DCAF17: variants seen among roughly 807,000 people sequenced by gnomAD.
DCAF17 encodes the protein DDB1- and CUL4-associated factor 17.
A neutral mutation model predicts 66.0 loss-of-function variants in DCAF17; 48 were observed. The observed-to-expected ratio is 0.73, with a 90% CI of 0.58 to 0.92. DCAF17 has a LOEUF of 0.92. Ranked by LOEUF, DCAF17 falls within the 40% of genes least tolerant of loss-of-function variation. The pLI is 0.00. For missense variants in DCAF17, 562 were observed against 622.8 expected (o/e 0.90, Z 1.04); for synonymous variants, 206 against 214.6 (o/e 0.96, Z 0.35).
intron 1 of DCAF17, 126 bp from the exon 2 acceptor site, chr2:171,434,957 C>T: frequency 4.0e-6 from 4 of 991,490 alleles, no homozygotes; most frequent in Non-Finnish European, 6.0e-6. Flanking sequence ...AACATGAGGG[C>T]AGAGTGGAGG....
intron 1 of DCAF17, 102 bp downstream of exon 1, chr2:171,434,805 G>A: frequency 2.2e-6 from 3 of 1,386,664 alleles, no homozygotes; most frequent in Non-Finnish European, 2.8e-6. Context: ...TCCCTTTATA[G>A]GGTCACATGT....
chr2:171,478,774 G>A (rs1472119268), intron 12 of DCAF17, among the ~76,000 whole-genome samples: 1 of 152,090 alleles, frequency 6.6e-6, no homozygotes, highest in East Asian at 1.9e-4. Flanking sequence ...GTTAGAGGTG[G>A]CCCAGTATGT....
Position 171,484,422 on chromosome 2 carries a change from C to T in DCAF17, c.*3308C>T, listed in dbSNP as rs1174792768. On this transcript the variant is annotated 3_prime_UTR_variant, in exon 14 of 14. Transcript: ENST00000375255. The stretch of plus-strand genomic sequence containing the variant: ...AATTGAAAGAATTTTATAGTAAATA[C>T]TGACCACGGGGATTCTACATCTTAC... The T allele has an allele frequency of 2.5e-6, 1 of 402,680 alleles. No homozygotes were observed. Among genetic ancestry groups the T allele is most frequent in the African/African-American group, 2.1e-5 (1 of 47,356 alleles). 24.9% of individuals were successfully genotyped at this position (402,680 alleles called of 1,614,324 possible).
chr2:171,479,960 A>G, intron 12 of DCAF17, 78 bp from the exon 13 acceptor site: 1 of 1,506,462 alleles, frequency 6.6e-7, no homozygotes, highest in Non-Finnish European at 9.1e-7. Context: ...GAATACTTAA[A>G]CTATAAATAC....
rs900728420 is a variant in DCAF17, at chr2:171,434,527, G to A, written c.-51G>A. ...CGGCGGCTGCCCAGCACGGGAGTGTGGGGCGCGCCACTCGGCGGCCCAGCC... is the reference window on the plus strand; with the variant it reads ...CGGCGGCTGCCCAGCACGGGAGTGTAGGGCGCGCCACTCGGCGGCCCAGCC... On this transcript the variant is annotated 5_prime_UTR_variant, in exon 1 of 14. Transcript: ENST00000375255. The A allele has an allele frequency of 1.8e-5, 28 of 1,522,934 alleles. No individual in the cohort carries two copies. Among genetic ancestry groups the A allele is most frequent in the Non-Finnish European group, 2.4e-5 (27 of 1,139,958 alleles). The allele number at this position is 1,522,934 out of a possible 1,614,324, so 94.3% of individuals were successfully genotyped here.
intron 6 of DCAF17, among the ~76,000 whole-genome samples, chr2:171,454,217 G>C (rs1187659872): frequency 6.6e-6 from 1 of 151,632 alleles, no homozygotes; most frequent in Non-Finnish European, 1.5e-5. Flanking sequence ...AATCCTAAAG[G>C]TGGCAAGTAG....
rs1042844114 is a variant in DCAF17, at chr2:171,481,229, G to C, written c.*115G>C. 7.6e-6 allele frequency: 10 copies of C among 1,319,836 alleles called. No homozygotes were observed. The highest frequency in any genetic ancestry group is 4.7e-5 in the East Asian group (2 of 42,588). 81.8% of individuals were successfully genotyped at this position (1,319,836 alleles called of 1,614,324 possible). A position where few individuals can be genotyped will look rare whatever the true frequency, so the allele number is the denominator to read the frequency against. ...CTCCAGTATTTTCCAAAAAAGTCTT[G>C]TGTTGACTTCAGATGACTATGACTT... On this transcript the variant is annotated 3_prime_UTR_variant, in exon 14 of 14. Transcript: ENST00000375255.
rs375752562 is a variant in DCAF17, at chr2:171,465,846, C to G, written c.839-3042C>G. On this transcript the variant is annotated intron_variant, in intron 8 of 13. Coordinates refer to ENST00000375255, the MANE Select transcript of DCAF17 (RefSeq NM_025000.4). ...TATTATTTCCTTTAATCCTGTTACT[C>G]TCATCAGTAACCATTGTTTTTAGAT... Among the ~76,000 whole-genome samples the G allele has an allele frequency of 1.1e-4, 16 of 152,180 alleles. No individual in the cohort carries two copies. The South Asian group carries it at 3.3e-3, about 32-fold the overall frequency.
chr2:171,472,853 C>G (rs561860473), intron 9 of DCAF17: 1 of 294,966 alleles, frequency 3.4e-6, no homozygotes, highest in South Asian at 3.3e-5. Context: ...AATATGGCAT[C>G]ATTTCATTTT....
At chr2:171,451,703 G>T (rs1694963363) in intron 5 of DCAF17, among the ~76,000 whole-genome samples, 1 of 152,100 alleles carries the variant, frequency 6.6e-6, no homozygotes, top group African/African-American at 2.4e-5. Context: ...AGCCTCCTGA[G>T]TAGCTGGGAC....
rs1237913367 is a variant in DCAF17, at chr2:171,484,903, T to C, written c.*3789T>C. ...TGAGATTTATTCATGTTGTTGCATG[T>C]GTCAGTGATTCATTTCTTTTTATTG... On this transcript the variant is annotated 3_prime_UTR_variant, in exon 14 of 14. Transcript: ENST00000375255. The C allele has an allele frequency of 4.4e-6, 2 of 453,854 alleles. No homozygotes were observed. Among genetic ancestry groups the C allele is most frequent in the South Asian group, 1.6e-5 (1 of 64,424 alleles). The allele number at this position is 453,854 out of a possible 1,614,324, so 28.1% of individuals were successfully genotyped here. A position where few individuals can be genotyped will look rare whatever the true frequency, so the allele number is the denominator to read the frequency against.
At chr2:171,476,726 T>G (rs1696513626) in intron 10 of DCAF17, 134 bp from the exon 11 acceptor site, 1 of 671,568 alleles carries the variant, frequency 1.5e-6, no homozygotes, top group Non-Finnish European at 2.7e-6. Context: ...TTATTAGTAT[T>G]GTAGACTAAT....
At chr2:171,474,064 C>A in intron 10 of DCAF17, 89 bp downstream of exon 10, 2 of 1,035,060 alleles carry the variant, frequency 1.9e-6, no homozygotes, top group Non-Finnish European at 3.0e-6. Context: ...ACTAGTGAGC[C>A]AATTAATGGA....
Position 171,453,255 on chromosome 2 carries a change from A to G in DCAF17, c.627+42A>G, listed in dbSNP as rs747460553. The G allele has an allele frequency of 6.7e-6, 9 of 1,342,408 alleles. No individual in the cohort carries two copies. In the African/African-American group the frequency reaches 1.3e-4, roughly 19 times the overall value. 83.2% of individuals were successfully genotyped at this position (1,342,408 alleles called of 1,614,324 possible). ...TATTTAATTGCAATATTTTATTGAC[A>G]ATAAGTTGTAATGTCATTATTTAAT... On this transcript the variant is annotated intron_variant, in intron 6 of 13. Transcript: ENST00000375255.
In DCAF17 at chr2:171,482,027, C is replaced by T. The variant is rs1217715289; in HGVS notation, c.*913C>T. 2.2e-6 allele frequency: 1 copy of T among 453,870 alleles called. No individual in the cohort carries two copies. The highest frequency in any genetic ancestry group is 2.0e-5 in the African/African-American group (1 of 49,988). The allele number at this position is 453,870 out of a possible 1,614,324, so 28.1% of individuals were successfully genotyped here. On this transcript the variant is annotated 3_prime_UTR_variant, in exon 14 of 14. Coordinates refer to ENST00000375255, the MANE Select transcript of DCAF17 (RefSeq NM_025000.4). Reference sequence around the variant, plus strand: ...AAGTTCTTACTAGCTTGGGAGTTACCTGATTAACCAGAGAAAATTTTTGGC... The same window carrying T: ...AAGTTCTTACTAGCTTGGGAGTTACTTGATTAACCAGAGAAAATTTTTGGC...
At chr2:171,443,256 GTA>G in intron 2 of DCAF17, 1 of 294,190 alleles carries the variant, frequency 3.4e-6, no homozygotes, top group Non-Finnish European at 6.4e-6. Context: ...GTCCAGGTAC[GTA>G]TATGTATATA....
rs1465992335 is a variant in DCAF17, at chr2:171,434,480, G to A, written c.-98G>A. 49 of 1,515,538 alleles carry A rather than the reference G, an allele frequency of 3.2e-5. No individual in the cohort carries two copies. Among genetic ancestry groups the A allele is most frequent in the Non-Finnish European group, 4.2e-5 (48 of 1,133,834 alleles). 93.9% of individuals were successfully genotyped at this position (1,515,538 alleles called of 1,614,324 possible). A position where few individuals can be genotyped will look rare whatever the true frequency, so the allele number is the denominator to read the frequency against. On this transcript the variant is annotated 5_prime_UTR_variant, in exon 1 of 14. Transcript: ENST00000375255. The stretch of plus-strand genomic sequence containing the variant: ...TCCCTGGGCCCCGCCGGGAAAGTCT[G>A]GGCCTCGAAATTCGAAGGCAGCGGC...
chr2:171,476,808 C>A, intron 10 of DCAF17, 52 bp from the exon 11 acceptor site: 1 of 1,385,004 alleles, frequency 7.2e-7, no homozygotes, highest in Non-Finnish European at 1.0e-6. Flanking sequence ...ACTTTGGCAC[C>A]TTGATGGTGT....
chr2:171,483,473 C>T lies in DCAF17; in HGVS notation c.*2359C>T. On this transcript the variant is annotated 3_prime_UTR_variant, in exon 14 of 14. Coordinates refer to ENST00000375255, the MANE Select transcript of DCAF17 (RefSeq NM_025000.4). ...TTTCTGCATTCTCAGAGCATCAATG[C>T]AGCAAGCTTATTGTTCCTCAATTTT... 2.2e-6 allele frequency: 1 copy of T among 454,122 alleles called. No individual in the cohort carries two copies. The allele number at this position is 454,122 out of a possible 1,614,324, so 28.1% of individuals were successfully genotyped here. A position where few individuals can be genotyped will look rare whatever the true frequency, so the allele number is the denominator to read the frequency against.
Sources: gnomAD v4.1 joint callset for allele counts (sites outside exome capture counted in the v4.1 genomes callset) on GRCh38, gnomAD v4.1.1 for gene constraint, MANE v1.5 for transcripts, NCBI Gene and HGNC (gene_info 2026-07-23, HGNC 2026-07-21) for gene names.